The following SHISA9 variants were observed in gnomAD, a reference collection of about 807,000 sequenced individuals.
The protein encoded by SHISA9 is protein shisa-9.
A neutral mutation model predicts 38.0 loss-of-function variants in SHISA9; 13 were observed. That is an observed-to-expected ratio of 0.34 (90% CI 0.22 to 0.54). The LOEUF (loss-of-function observed/expected upper bound fraction) is 0.54. Among genes scored for constraint, SHISA9 ranks in the 20% least tolerant of loss-of-function variants. The pLI is 0.91. For missense variants in SHISA9, 538 were observed against 575.8 expected (o/e 0.93, Z 0.67); for synonymous variants, 275 against 242.0 (o/e 1.14, Z -1.27).
the SHISA9 span, among the ~76,000 whole-genome samples, chr16:13,444,982 C>CTATATATATATATATATA: frequency 1.2e-4 from 13 of 106,302 alleles, no homozygotes; most frequent in South Asian, 4.0e-4. Context: ...CCATGCCTAG[C>CTATATATATATATATATA]TATATATATA....
intron 2 of SHISA9, among the ~76,000 whole-genome samples, chr16:13,008,554 G>A (rs972814691): frequency 6.6e-6 from 1 of 152,018 alleles, no homozygotes. Flanking sequence ...TAGTGAGTGT[G>A]TTCTCACGAG....
At chr16:13,272,090 AAAG>A in the SHISA9 span, among the ~76,000 whole-genome samples, 23 of 81,316 alleles carry the variant, frequency 2.8e-4, no homozygotes, top group East Asian at 1.8e-3. Flanking sequence ...AAAAAAAAAA[AAAG>A]AGAGAGAGAA....
the SHISA9 span, among the ~76,000 whole-genome samples, chr16:13,404,611 G>A: frequency 6.6e-6 from 1 of 152,186 alleles, no homozygotes; most frequent in Non-Finnish European, 1.5e-5. Flanking sequence ...TGAAGCTGCA[G>A]AGATGGGTAG....
chr16:13,038,270 G>A (rs745953605), intron 2 of SHISA9, among the ~76,000 whole-genome samples: 4 of 152,184 alleles, frequency 2.6e-5, no homozygotes, highest in Admixed American at 6.5e-5. Context: ...GATTACAGGC[G>A]TGGGCCACCA....
chr16:13,288,002 G>A, the SHISA9 span, among the ~76,000 whole-genome samples: 4 of 152,154 alleles, frequency 2.6e-5, no homozygotes, highest in Non-Finnish European at 5.9e-5. Flanking sequence ...GGAGGTGACA[G>A]TGAGTTCACT....
chr16:13,032,800 A>C (rs1324427215), intron 2 of SHISA9, among the ~76,000 whole-genome samples: 2 of 152,200 alleles, frequency 1.3e-5, no homozygotes, highest in African/African-American at 4.8e-5. Context: ...GTCGATAGAG[A>C]TCTCTCACAG....
chr16:13,423,417 C>T, the SHISA9 span, among the ~76,000 whole-genome samples: 1 of 152,178 alleles, frequency 6.6e-6, no homozygotes. Context: ...CCTTATCCCC[C>T]AAAGTTACCA....
chr16:13,214,432 C>G (rs551413387), intron 4 of SHISA9, among the ~76,000 whole-genome samples: 1 of 152,096 alleles, frequency 6.6e-6, no homozygotes, highest in African/African-American at 2.4e-5. Context: ...GGTCAAAATC[C>G]TGACCTCAGA....
chr16:13,441,081 T>C, the SHISA9 span, among the ~76,000 whole-genome samples: 1 of 152,092 alleles, frequency 6.6e-6, no homozygotes, highest in African/African-American at 2.4e-5. Context: ...AGAAATATAT[T>C]TGATTTCACA....
chr16:13,413,617 G>A, the SHISA9 span, among the ~76,000 whole-genome samples: 12 of 151,930 alleles, frequency 7.9e-5, no homozygotes, highest in Non-Finnish European at 1.5e-4. Flanking sequence ...TTAGGCGGGC[G>A]TGGTGGTGGG....
chr16:13,027,521 C>G (rs551886249), intron 2 of SHISA9, among the ~76,000 whole-genome samples: 2 of 152,166 alleles, frequency 1.3e-5, no homozygotes, highest in East Asian at 1.9e-4. Context: ...TTCATAATAG[C>G]TAAAAGCTGG....
intron 3 of SHISA9, among the ~76,000 whole-genome samples, chr16:13,206,256 C>T (rs1023874550): frequency 2.6e-5 from 4 of 152,044 alleles, no homozygotes; most frequent in Admixed American, 2.0e-4. Context: ...AGTTTTGGTT[C>T]CCGAAAAACT....
chr16:13,012,682 G>A (rs1265488167), intron 2 of SHISA9, among the ~76,000 whole-genome samples: 1 of 152,190 alleles, frequency 6.6e-6, no homozygotes, highest in Non-Finnish European at 1.5e-5. Flanking sequence ...CTTAGTTAGG[G>A]CTGCCTTTAG....
At chr16:12,925,686 T>C (rs994221216) in intron 2 of SHISA9, among the ~76,000 whole-genome samples, 6 of 152,242 alleles carry the variant, frequency 3.9e-5, no homozygotes, top group African/African-American at 1.4e-4. Flanking sequence ...GTTTAAAAGA[T>C]GCCAAGTTCT....
chr16:13,206,103 G>T (rs919139450), intron 3 of SHISA9, among the ~76,000 whole-genome samples: 7 of 152,040 alleles, frequency 4.6e-5, no homozygotes, highest in Non-Finnish European at 7.4e-5. Flanking sequence ...TTCCAACATG[G>T]AGTCCTCACC....
the SHISA9 span, among the ~76,000 whole-genome samples, chr16:13,305,118 C>T: frequency 1.4e-4 from 21 of 152,226 alleles, no homozygotes; most frequent in South Asian, 1.0e-3. Flanking sequence ...ATGGGGCCTA[C>T]GTCTGAACAC....
chr16:13,224,894 C>T lies in SHISA9; in HGVS notation c.896-10136C>T, dbSNP rs571197844. ...GGTCCTGAGATGGTGACAAGCTTGG[C>T]GTGTTCAGGAACAGAAAGGAATCTC... On this transcript the variant is annotated intron_variant, in intron 4 of 4. Transcript: ENST00000558583. Among the ~76,000 whole-genome samples the T allele has an allele frequency of 2.5e-3, 375 of 152,136 alleles. 2 individuals are homozygous for T. Among genetic ancestry groups the T allele is most frequent in the African/African-American group, 8.0e-3 (333 of 41,498 alleles).
chr16:13,296,527 G>A, the SHISA9 span, among the ~76,000 whole-genome samples: 30 of 151,464 alleles, frequency 2.0e-4, no homozygotes, highest in African/African-American at 6.5e-4. Flanking sequence ...GTGGATTGAC[G>A]GTTGCATTCC....
chr16:13,515,525 C>A, the SHISA9 span, among the ~76,000 whole-genome samples: 1 of 152,158 alleles, frequency 6.6e-6, no homozygotes, highest in Non-Finnish European at 1.5e-5. Context: ...AACTAAGACT[C>A]ATACGAGTGT....
Sources: allele counts gnomAD v4.1 joint callset (sites outside exome capture counted in the v4.1 genomes callset), GRCh38; gene constraint gnomAD v4.1.1; transcripts MANE v1.5; gene names NCBI Gene and HGNC (gene_info 2026-07-23, HGNC 2026-07-21).